The following FAM177A1 variants were observed in gnomAD, a reference collection of about 807,000 sequenced individuals.
The protein encoded by FAM177A1 is protein FAM177A1.
FAM177A1 carries 22 observed loss-of-function variants against 26.1 expected under a neutral mutation model. The observed-to-expected ratio is 0.84, with a 90% CI of 0.60 to 1.20. The LOEUF (loss-of-function observed/expected upper bound fraction) is 1.20. Among genes scored for constraint, FAM177A1 ranks in the 50% most tolerant of loss-of-function variants. The pLI, the probability that FAM177A1 is intolerant of heterozygous loss-of-function variation, is 0.00. For synonymous variants in FAM177A1, 95 were observed against 99.3 expected, an observed-to-expected ratio of 0.96 and a Z score of 0.26; for missense variants, 296 against 291.1, an observed-to-expected ratio of 1.02 and a Z score of -0.12.
chr14:35,080,906 A>G, intron 4 of FAM177A1, 116 bp from the exon 5 acceptor site: 4 of 1,292,736 alleles, frequency 3.1e-6, no homozygotes, highest in Admixed American at 3.3e-5. Context: ...TGATTTGAAC[A>G]TGACACTTTT....
At chr14:35,064,717 C>T (rs1293423608) in intron 2 of FAM177A1, among the ~76,000 whole-genome samples, 11 of 152,004 alleles carry the variant, frequency 7.2e-5, no homozygotes, top group Admixed American at 6.6e-4. Flanking sequence ...GTGGCGCCAT[C>T]TTGACTCACT....
rs1389136063 is a variant in FAM177A1, at chr14:35,077,272, G to C, written c.406+56G>C. 3.3e-6 allele frequency: 5 copies of C among 1,494,442 alleles called. No homozygotes were observed. In the East Asian group the frequency reaches 6.8e-5, roughly 20 times the overall value. The allele number at this position is 1,494,442 out of a possible 1,614,324, so 92.6% of individuals were successfully genotyped here. A position where few individuals can be genotyped will look rare whatever the true frequency, so the allele number is the denominator to read the frequency against. On this transcript the variant is annotated intron_variant, in intron 3 of 4. Transcript: ENST00000280987. ...TTGCTGTAACATGCTTCAGCAACAG[G>C]AACTTTGCTAAATAGGATGTTTCCA...
intron 2 of FAM177A1, among the ~76,000 whole-genome samples, chr14:35,061,308 C>T (rs1043407510): frequency 3.9e-5 from 6 of 151,996 alleles, no homozygotes; most frequent in Non-Finnish European, 8.8e-5. Context: ...GCTGGCTCCC[C>T]TACCCCAGCC....
At chr14:35,047,086 T>G in intron 1 of FAM177A1, 1 of 906,586 alleles carries the variant, frequency 1.1e-6, no homozygotes, top group Non-Finnish European at 1.3e-6. Context: ...CCGCTCGAGG[T>G]GGGTGTTAGC....
At chr14:35,054,872 GA>G (rs1400468390) in intron 2 of FAM177A1, 1 of 152,238 alleles carries the variant, frequency 6.6e-6, no homozygotes, top group Non-Finnish European at 1.5e-5. Flanking sequence ...AGCTACCCAG[GA>G]GGCTGAGGCA....
rs776582943 is a variant in FAM177A1, at chr14:35,080,982, T to C, written c.505-40T>C. ...ACAGCACTATATACCTTTTGGACTT[T>C]CGTATTTCAACTATTCTTGATATTG... is the stretch of plus-strand genomic sequence containing the variant. On this transcript the variant is annotated intron_variant, in intron 4 of 4. Coordinates refer to ENST00000280987, the MANE Select transcript of FAM177A1 (RefSeq NM_173607.5). The C allele has an allele frequency of 4.5e-6, 7 of 1,547,944 alleles. No individual in the cohort carries two copies. In the Admixed American group the frequency reaches 1.0e-4, roughly 23 times the overall value.
At chr14:35,063,884 C>T (rs1198114316) in intron 2 of FAM177A1, among the ~76,000 whole-genome samples, 1 of 149,534 alleles carries the variant, frequency 6.7e-6, no homozygotes, top group East Asian at 2.0e-4. Flanking sequence ...TCCATCTCTA[C>T]TAAAAATACA....
chr14:35,045,290 G>A (rs1386684403), upstream of FAM177A1: 1 of 152,124 alleles, frequency 6.6e-6, no homozygotes, highest in Non-Finnish European at 1.5e-5. Context: ...GGCGTAGATG[G>A]TTTTCAAATG....
chr14:35,070,132 AAAAAAAAAAAAAAAAAAAGAAGT>A (rs1345405902), intron 2 of FAM177A1, among the ~76,000 whole-genome samples: 1 of 98,438 alleles, frequency 1.0e-5, no homozygotes, highest in East Asian at 5.1e-4. Context: ...AAAAAAAAAA[AAAAAAAAAAAAAAAAAAAGAAGT>A]GAAGACCTAG....
chr14:35,073,995 C>T (rs2045359305), intron 2 of FAM177A1, among the ~76,000 whole-genome samples: 1 of 152,148 alleles, frequency 6.6e-6, no homozygotes. Flanking sequence ...AGCTGCTTCT[C>T]TTGTTTTGTT....
intron 1 of FAM177A1, among the ~76,000 whole-genome samples, chr14:35,052,594 G>GAT (rs1002547850): frequency 7.2e-5 from 11 of 151,926 alleles, no homozygotes; most frequent in East Asian, 3.9e-4. Flanking sequence ...TATATATATA[G>GAT]ATATATATAG....
At chr14:35,064,406 A>G (rs1045494790) in intron 2 of FAM177A1, among the ~76,000 whole-genome samples, 5 of 152,120 alleles carry the variant, frequency 3.3e-5, no homozygotes, top group Non-Finnish European at 7.4e-5. Context: ...CAAACAAAAA[A>G]GTACAATGAT....
At position 35,046,371 on chromosome 14, in the gene FAM177A1, C is replaced by T. The variant is rs1301768221; in HGVS notation, c.-93C>T. 3 of 1,354,698 alleles carry T rather than the reference C, an allele frequency of 2.2e-6. No individual in the cohort carries two copies. Among genetic ancestry groups the T allele is most frequent in the Admixed American group, 3.5e-5 (1 of 28,474 alleles). The allele number at this position is 1,354,698 out of a possible 1,614,324, so 83.9% of individuals were successfully genotyped here. ...GGCCGGCGAGTCCCCTTCTCAGAGA[C>T]TTGGCTAGGCGCGGCGCGAGGCGGG... On this transcript the variant is annotated 5_prime_UTR_variant, in exon 1 of 5. Coordinates refer to ENST00000280987, the MANE Select transcript of FAM177A1 (RefSeq NM_173607.5).
intron 2 of FAM177A1, among the ~76,000 whole-genome samples, chr14:35,060,132 C>A (rs1364825460): frequency 6.6e-6 from 1 of 151,910 alleles, no homozygotes; most frequent in Non-Finnish European, 1.5e-5. Flanking sequence ...CACCACCATG[C>A]CCGGGCTAAT....
At chr14:35,079,426 T>C (rs2045445657) in intron 4 of FAM177A1, among the ~76,000 whole-genome samples, 1 of 152,216 alleles carries the variant, frequency 6.6e-6, no homozygotes, top group East Asian at 1.9e-4. Context: ...GAAATGTGTA[T>C]GTGCCAGGTG....
intron 1 of FAM177A1, among the ~76,000 whole-genome samples, chr14:35,051,905 T>C (rs1373203907): frequency 6.6e-6 from 1 of 152,248 alleles, no homozygotes; most frequent in Non-Finnish European, 1.5e-5. Context: ...ATCAGTATAA[T>C]CCTTTTTTTG....
In FAM177A1 at chr14:35,064,643, C is replaced by G. The variant is rs531512535; in HGVS notation, c.339+11192C>G. On this transcript the variant is annotated intron_variant, in intron 2 of 4. Transcript: ENST00000280987. ...CTTAAGTCTTTAGCAAAAAGAGATACAATTTATTTCTCTGATTTTTTTTTT... is the reference window on the plus strand; with the variant it reads ...CTTAAGTCTTTAGCAAAAAGAGATAGAATTTATTTCTCTGATTTTTTTTTT... 7.3e-5 allele frequency among the ~76,000 whole-genome samples: 11 copies of G among 149,828 alleles called. No individual in the cohort carries two copies. The South Asian group carries it at 2.4e-3, about 32-fold the overall frequency.
Position 35,059,964 on chromosome 14 carries a change from T to G in FAM177A1, c.339+6513T>G, listed in dbSNP as rs551970826. On this transcript the variant is annotated intron_variant, in intron 2 of 4. Coordinates refer to ENST00000280987, the MANE Select transcript of FAM177A1 (RefSeq NM_173607.5). ...ACAGGCGTGAGCCACTGCGCCTGGC[T>G]GTTTTTTTTGTTTTGTTTTGTTTTT... 3.0e-5 allele frequency among the ~76,000 whole-genome samples: 4 copies of G among 134,586 alleles called. No homozygotes were observed. The Admixed American group carries it at 3.0e-4, about 10-fold the overall frequency. 88.3% of individuals were successfully genotyped at this position (134,586 alleles called of 152,430 possible).
chr14:35,066,475 G>A (rs932203953), intron 2 of FAM177A1, among the ~76,000 whole-genome samples: 5 of 148,554 alleles, frequency 3.4e-5, no homozygotes, highest in African/African-American at 1.0e-4. Flanking sequence ...GCGTAATCTC[G>A]GCTCACTGCA....
Sources: gnomAD v4.1 joint callset for allele counts (sites outside exome capture counted in the v4.1 genomes callset) on GRCh38, gnomAD v4.1.1 for gene constraint, MANE v1.5 for transcripts, NCBI Gene and HGNC (gene_info 2026-07-23, HGNC 2026-07-21) for gene names.